The following AR variants were observed in gnomAD, a reference collection of about 807,000 sequenced individuals.
AR encodes the protein dihydrotestosterone receptor.
AR carries 8 observed loss-of-function variants against 53.9 expected under a neutral mutation model. The ratio of observed to expected loss-of-function variants is 0.15; its 90% CI spans 0.09 to 0.27. The LOEUF is 0.27. Among genes scored for constraint, AR ranks in the 10% least tolerant of loss-of-function variants. The probability of loss-of-function intolerance (pLI) is 1.00; values close to 1 mark genes in which losing one functional copy is unlikely to be tolerated. For missense variants in AR, 639 were observed against 742.5 expected (o/e 0.86, Z 1.62); for synonymous variants, 359 against 316.4 (o/e 1.13, Z -1.43).
chrX:67,573,410 C>T (rs1180150878), intron 1 of AR, among the ~76,000 whole-genome samples: 1 of 111,295 alleles, frequency 9.0e-6, no homozygotes, highest in Non-Finnish European at 1.9e-5. Context: ...GGCCAATCAT[C>T]CTATTTATTC....
At chrX:67,709,378 T>C (rs2147522063) in intron 3 of AR, among the ~76,000 whole-genome samples, 1 of 112,099 alleles carries the variant, frequency 8.9e-6, no homozygotes, top group Non-Finnish European at 1.9e-5. Context: ...GCCTTGCAGT[T>C]CGATTTCAGA....
chrX:67,587,928 A>G (rs766635791), intron 1 of AR, among the ~76,000 whole-genome samples: 21 of 108,944 alleles, frequency 1.9e-4, no homozygotes, highest in Non-Finnish European at 1.5e-4. Context: ...AGTTATTCAC[A>G]GGCATGCATT....
In AR at chrX:67,726,603, C is replaced by T. The variant is rs2058631737; in HGVS notation, c.*2762C>T. On this transcript the variant is annotated 3_prime_UTR_variant, in exon 8 of 8. Transcript: ENST00000374690. ...AATTAAAAGCAACAACTGGATTACT[C>T]CAAATTTCCAAATGACAAAACTAGG... is the stretch of plus-strand genomic sequence containing the variant. 5.7e-6 allele frequency: 1 copy of T among 174,471 alleles called. No homozygotes were observed. The highest frequency in any genetic ancestry group is 1.1e-5 in the Non-Finnish European group (1 of 91,584). The allele number at this position is 174,471 out of a possible 1,213,427, so 14.4% of individuals were successfully genotyped here.
Position 67,545,539 on chromosome X carries a change from C to G in AR, c.393C>G (p.Cys131Trp), listed in dbSNP as rs1131691761. The G allele has an allele frequency of 8.4e-7, 1 of 1,183,609 alleles. No homozygotes were observed. Among genetic ancestry groups the G allele is most frequent in the Non-Finnish European group, 1.1e-6 (1 of 881,390 alleles). Residue 131 changes from cysteine to tryptophan, a missense_variant, in exon 1 of 8, where the codon TGC becomes TGG. Coordinates refer to ENST00000374690, the MANE Select transcript of AR (RefSeq NM_000044.6). ...SALECHPERG[C>W]VPEPGAAVAA... Reference sequence around the variant, plus strand: ...TGGAGTGCCACCCCGAGAGAGGTTGCGTCCCAGAGCCTGGAGCCGCCGTGG... The same window carrying G: ...TGGAGTGCCACCCCGAGAGAGGTTGGGTCCCAGAGCCTGGAGCCGCCGTGG...
Position 67,600,000 on chromosome X carries a change from A to G in AR, c.1617-43256A>G, listed in dbSNP as rs952364377. 2.7e-5 allele frequency among the ~76,000 whole-genome samples: 3 copies of G among 111,602 alleles called. No individual in the cohort carries two copies. The Admixed American group carries it at 2.9e-4, about 11-fold the overall frequency. On this transcript the variant is annotated intron_variant, in intron 1 of 7. Transcript: ENST00000374690. ...ACATATTATATAGTTGAGTAAGAAA[A>G]GCTAGTTTCAAATGAGTATGTTAAT...
intron 1 of AR, among the ~76,000 whole-genome samples, chrX:67,565,436 G>T (rs945097275): frequency 8.0e-5 from 9 of 111,829 alleles, no homozygotes; most frequent in African/African-American, 2.9e-4. Context: ...GTTGGTAAGA[G>T]AAATGGTGGA....
intron 1 of AR, among the ~76,000 whole-genome samples, chrX:67,552,851 T>G (rs149059561): frequency 0.055 from 6,174 of 112,037 alleles, 152 homozygotes; most frequent in Non-Finnish European, 0.074. Context: ...TTGAGAAATA[T>G]CTATTTGGAT....
Position 67,729,446 on chromosome X carries a change from T to C in AR, c.*5605T>C, listed in dbSNP as rs938882131. 1 of 173,643 alleles carries C rather than the reference T, an allele frequency of 5.8e-6. No homozygotes were observed. Among genetic ancestry groups the C allele is most frequent in the Non-Finnish European group, 1.1e-5 (1 of 91,085 alleles). 14.3% of individuals were successfully genotyped at this position (173,643 alleles called of 1,213,427 possible). Reference sequence around the variant, plus strand: ...CACCCATAGAAAGAGTGGTAGATATTTGAATTTAGCAGGTGGAGTTTCATA... The same window carrying C: ...CACCCATAGAAAGAGTGGTAGATATCTGAATTTAGCAGGTGGAGTTTCATA... On this transcript the variant is annotated 3_prime_UTR_variant, in exon 8 of 8. Transcript: ENST00000374690.
Position 67,546,514 on chromosome X carries a change from TGGCGGCGGCGGC to T in AR, c.1409_1420del (p.Gly470_Gly473del), listed in dbSNP as rs746853821. The T allele has an allele frequency of 0.074, 41,085 of 555,074 alleles. 3,978 individuals are homozygous for T. The highest frequency in any genetic ancestry group is 0.078 in the Non-Finnish European group (32,003 of 412,891). 45.7% of individuals were successfully genotyped at this position (555,074 alleles called of 1,213,427 possible). On this transcript the variant is annotated inframe_deletion, in exon 1 of 8. Transcript: ENST00000374690. Reference sequence around the variant, plus strand: ...GACCGTGTGGTGGTGGTGGGGGTGGTGGCGGCGGCGGCGGCGGCGGCGGCGGCGGCGGCGGCG... The same window carrying T: ...GACCGTGTGGTGGTGGTGGGGGTGGTGGCGGCGGCGGCGGCGGCGGCGGCG...
intron 2 of AR, among the ~76,000 whole-genome samples, chrX:67,656,348 C>T (rs1192198419): frequency 9.0e-6 from 1 of 111,035 alleles, no homozygotes. Flanking sequence ...GAGCACCTAC[C>T]TGCGGCAGAT....
intron 2 of AR, among the ~76,000 whole-genome samples, chrX:67,650,422 A>G (rs1926280487): frequency 8.9e-6 from 1 of 112,009 alleles, no homozygotes; most frequent in African/African-American, 3.2e-5. Flanking sequence ...AAACTCTGGT[A>G]GTTCATTTTT....
intron 1 of AR, among the ~76,000 whole-genome samples, chrX:67,616,709 TC>T (rs1454417795): frequency 1.8e-5 from 2 of 111,598 alleles, no homozygotes; most frequent in African/African-American, 6.5e-5. Flanking sequence ...TCTTCTTGGT[TC>T]ATTCATTCAT....
chrX:67,660,588 C>A (rs912490549), intron 2 of AR, among the ~76,000 whole-genome samples: 1 of 111,595 alleles, frequency 9.0e-6, no homozygotes, highest in Non-Finnish European at 1.9e-5. Flanking sequence ...TGTTTTGGTA[C>A]CAGTACCATG....
chrX:67,596,342 G>T (rs1413010471), intron 1 of AR, among the ~76,000 whole-genome samples: 1 of 109,608 alleles, frequency 9.1e-6, no homozygotes, highest in Non-Finnish European at 1.9e-5. Flanking sequence ...GGTCTTCTTG[G>T]TGACTCCACT....
At chrX:67,710,657 C>T (rs913063129) in intron 3 of AR, among the ~76,000 whole-genome samples, 2 of 111,478 alleles carry the variant, frequency 1.8e-5, no homozygotes, top group African/African-American at 6.5e-5. Context: ...GATATACATG[C>T]TCCTTTAAAA....
At chrX:67,640,765 T>G (rs1206399521) in intron 1 of AR, among the ~76,000 whole-genome samples, 1 of 110,767 alleles carries the variant, frequency 9.0e-6, no homozygotes, top group South Asian at 3.8e-4. Context: ...TATCTGATAT[T>G]TATTTTGTAA....
chrX:67,545,511 C>G lies in AR; in HGVS notation c.365C>G (p.Ala122Gly), dbSNP rs1247861540. 3.4e-6 allele frequency: 4 copies of G among 1,189,285 alleles called. No individual in the cohort carries two copies. The highest frequency in any genetic ancestry group is 3.4e-6 in the Non-Finnish European group (3 of 885,088). The change falls in exon 1 of 8, where the codon GCC becomes GGC. Residue 122 changes from alanine to glycine, a missense_variant. By Grantham distance (60) the Ala-to-Gly change is moderately conservative (BLOSUM62 0). Coordinates refer to ENST00000374690, the MANE Select transcript of AR (RefSeq NM_000044.6). ...CAGCAACCTTCACAGCCGCAGTCGGCCCTGGAGTGCCACCCCGAGAGAGGT... is the reference window on the plus strand; with the variant it reads ...CAGCAACCTTCACAGCCGCAGTCGGGCCTGGAGTGCCACCCCGAGAGAGGT... ...EEQQPSQPQS[A>G]LECHPERGCV...
At chrX:67,706,271 T>C (rs905828138) in intron 3 of AR, among the ~76,000 whole-genome samples, 1 of 111,683 alleles carries the variant, frequency 9.0e-6, no homozygotes, top group African/African-American at 3.3e-5. Flanking sequence ...GAAATCCATC[T>C]AGTCCTGGAC....
intron 1 of AR, among the ~76,000 whole-genome samples, chrX:67,632,978 A>G (rs1486156729): frequency 1.8e-5 from 2 of 112,096 alleles, no homozygotes; most frequent in African/African-American, 6.5e-5. Flanking sequence ...GTTTACACCT[A>G]TTAAGATGGC....
Sources: allele counts gnomAD v4.1 joint callset (sites outside exome capture counted in the v4.1 genomes callset), GRCh38; gene constraint gnomAD v4.1.1; transcripts MANE v1.5; gene names NCBI Gene and HGNC (gene_info 2026-07-23, HGNC 2026-07-21).